SLIT3: variants seen among roughly 807,000 people sequenced by gnomAD.
SLIT3 encodes the protein slit guidance ligand 3, also known as slit homolog 3 protein.
In SLIT3, 68 loss-of-function variants were observed where a neutral mutation model predicts 184.0. That is an observed-to-expected ratio of 0.37 (90% confidence interval 0.30 to 0.45). SLIT3 has a LOEUF of 0.45. Among genes scored for constraint, SLIT3 ranks in the 20% least tolerant of loss-of-function variants. SLIT3 has a pLI of 1.00. For missense variants in SLIT3, 1,707 were observed against 2,026.0 expected, an observed-to-expected ratio of 0.84 and a Z score of 3.02; for synonymous variants, 831 against 828.6, an observed-to-expected ratio of 1.00 and a Z score of -0.05.
chr5:169,082,762 C>T (rs1759122479), intron 4 of SLIT3, among the ~76,000 whole-genome samples: 1 of 152,212 alleles, frequency 6.6e-6, no homozygotes, highest in Admixed American at 6.5e-5. Flanking sequence ...TAATACTTCT[C>T]TTTTGTAAGA....
chr5:168,843,062 G>A (rs1758324124), intron 6 of SLIT3, among the ~76,000 whole-genome samples: 1 of 152,202 alleles, frequency 6.6e-6, no homozygotes, highest in Non-Finnish European at 1.5e-5. Context: ...CAGGGTCAGA[G>A]TTTGAGTGAG....
chr5:169,199,204 CGG>C (rs1763840534), intron 3 of SLIT3, among the ~76,000 whole-genome samples: 1 of 147,154 alleles, frequency 6.8e-6, no homozygotes, highest in Admixed American at 6.7e-5. Context: ...GAGGTATAAT[CGG>C]CTGGGTTTTG....
chr5:169,260,457 C>G (rs1177268336), intron 1 of SLIT3, among the ~76,000 whole-genome samples: 1 of 152,150 alleles, frequency 6.6e-6, no homozygotes. Context: ...TATTCGTCCT[C>G]CCTGAGAGCT....
chr5:168,672,264 C>G (rs976971660), intron 33 of SLIT3, among the ~76,000 whole-genome samples: 1 of 152,126 alleles, frequency 6.6e-6, no homozygotes, highest in Non-Finnish European at 1.5e-5. Flanking sequence ...ACAGAGCTTT[C>G]CCTGGCCTCC....
intron 4 of SLIT3, among the ~76,000 whole-genome samples, chr5:169,156,648 T>C (rs1762316221): frequency 1.3e-5 from 2 of 152,228 alleles, no homozygotes; most frequent in Non-Finnish European, 2.9e-5. Flanking sequence ...AAGGTAATCA[T>C]ACATGAGCAA....
intron 4 of SLIT3, among the ~76,000 whole-genome samples, chr5:169,174,283 CT>C (rs1259230627): frequency 6.6e-6 from 1 of 152,104 alleles, no homozygotes; most frequent in African/African-American, 2.4e-5. Flanking sequence ...CCTGAGAGTC[CT>C]AAAAAAACCA....
chr5:168,803,566 C>A (rs959247819), intron 9 of SLIT3, among the ~76,000 whole-genome samples: 17 of 152,256 alleles, frequency 1.1e-4, no homozygotes, highest in Middle Eastern at 6.8e-3. Context: ...CCACGAGGTC[C>A]AAACTGAGAG....
intron 4 of SLIT3, among the ~76,000 whole-genome samples, chr5:169,014,649 G>A (rs763478378): frequency 1.3e-5 from 2 of 152,208 alleles, no homozygotes; most frequent in Non-Finnish European, 2.9e-5. Context: ...CTGAGTGTAG[G>A]AGCATTAAGA....
intron 4 of SLIT3, among the ~76,000 whole-genome samples, chr5:168,902,849 T>A (rs1010376470): frequency 6.6e-6 from 1 of 152,056 alleles, no homozygotes; most frequent in Non-Finnish European, 1.5e-5. Flanking sequence ...GTGACTGTGG[T>A]TAGCATGGGC....
At chr5:168,790,695 T>C (rs1756334228) in intron 10 of SLIT3, 1 of 152,200 alleles carries the variant, frequency 6.6e-6, no homozygotes, top group Admixed American at 6.5e-5. Context: ...AGCTGGGATC[T>C]TGGAAGGTCA....
At chr5:168,967,478 C>T (rs1410622149) in intron 4 of SLIT3, among the ~76,000 whole-genome samples, 18 of 9,488 alleles carry the variant, frequency 1.9e-3, no homozygotes, top group Admixed American at 5.6e-3. Flanking sequence ...CTCGCTCTGT[C>T]GCCCAGGCTG....
At chr5:168,841,339 T>C (rs1016524215) in intron 6 of SLIT3, among the ~76,000 whole-genome samples, 9 of 152,230 alleles carry the variant, frequency 5.9e-5, no homozygotes, top group African/African-American at 2.2e-4. Flanking sequence ...GTAAAAGCAC[T>C]GGTGGTATCA....
intron 5 of SLIT3, among the ~76,000 whole-genome samples, chr5:168,869,829 CGG>C (rs1465392860): frequency 1.3e-5 from 2 of 152,208 alleles, no homozygotes; most frequent in African/African-American, 4.8e-5. Flanking sequence ...TACCCAGGAA[CGG>C]ATCATTGGCA....
chr5:169,256,356 C>G (rs1391702153), intron 1 of SLIT3, among the ~76,000 whole-genome samples: 1 of 152,186 alleles, frequency 6.6e-6, no homozygotes, highest in Non-Finnish European at 1.5e-5. Context: ...CATTGTCTTA[C>G]AACTGCCTAT....
intron 19 of SLIT3, 117 bp downstream of exon 19, chr5:168,749,355 C>T (rs1218681766): frequency 1.7e-6 from 2 of 1,204,766 alleles, no homozygotes; most frequent in Non-Finnish European, 2.4e-6. Flanking sequence ...AGAGCTCCAG[C>T]TGCATGCCCA....
intron 4 of SLIT3, among the ~76,000 whole-genome samples, chr5:169,152,646 T>C (rs1646343556): frequency 6.6e-6 from 1 of 152,076 alleles, no homozygotes; most frequent in Non-Finnish European, 1.5e-5. Context: ...ATGGTGAACG[T>C]CAAGATCCTT....
intron 9 of SLIT3, among the ~76,000 whole-genome samples, chr5:168,804,303 T>G (rs1756873724): frequency 1.7e-5 from 1 of 60,392 alleles, no homozygotes; most frequent in Non-Finnish European, 2.8e-5. Flanking sequence ...AGAGTGAAAC[T>G]CTTTCTCAAA....
intron 20 of SLIT3, among the ~76,000 whole-genome samples, chr5:168,726,091 G>A (rs1763099188): frequency 6.6e-6 from 1 of 151,934 alleles, no homozygotes; most frequent in African/African-American, 2.4e-5. Flanking sequence ...CAAGAGCTAT[G>A]CTAGATCCTG....
intron 4 of SLIT3, among the ~76,000 whole-genome samples, chr5:169,191,774 A>G (rs1156948155): frequency 1.3e-4 from 20 of 152,100 alleles, no homozygotes; most frequent in Admixed American, 1.0e-3. Flanking sequence ...GCCTGGATCA[A>G]GACCAACTCT....
Sources: allele counts gnomAD v4.1 joint callset (sites outside exome capture counted in the v4.1 genomes callset), GRCh38; gene constraint gnomAD v4.1.1; transcripts MANE v1.5; gene names NCBI Gene and HGNC (gene_info 2026-07-23, HGNC 2026-07-21).